Variants in JAM2 observed in about 807,000 individuals in gnomAD.
The protein encoded by JAM2 is junctional adhesion molecule B.
In JAM2, 17 loss-of-function variants were observed where a neutral mutation model predicts 42.0. That is an observed-to-expected ratio of 0.40 (90% CI 0.28 to 0.61). The LOEUF (loss-of-function observed/expected upper bound fraction) is 0.61, where lower values mean the gene tolerates loss of function less well. JAM2 is among the 20% of genes least tolerant of loss of function. JAM2 has a pLI of 0.37. For synonymous variants in JAM2, 118 were observed against 128.6 expected (o/e 0.92, Z 0.56); for missense variants, 319 against 358.3 (o/e 0.89, Z 0.89).
At chr21:25,711,309 C>A in intron 8 of JAM2, 1 of 395,972 alleles carries the variant, frequency 2.5e-6, no homozygotes. Flanking sequence ...GGGTGAGCTC[C>A]CCAACGCCCT....
chr21:25,647,126 A>G (rs1183412917), intron 1 of JAM2, among the ~76,000 whole-genome samples: 1 of 152,212 alleles, frequency 6.6e-6, no homozygotes. Context: ...AACTTCCTAA[A>G]TACATACTAT....
chr21:25,655,708 C>A (rs1245261839), intron 1 of JAM2, among the ~76,000 whole-genome samples: 1 of 133,712 alleles, frequency 7.5e-6, no homozygotes, highest in Non-Finnish European at 1.5e-5. Flanking sequence ...GTTGGCCAGG[C>A]TGGTCTCGAA....
At chr21:25,699,613 C>T (rs976561489) in intron 5 of JAM2, among the ~76,000 whole-genome samples, 1 of 150,494 alleles carries the variant, frequency 6.6e-6, no homozygotes, top group African/African-American at 2.4e-5. Flanking sequence ...GTCCCAGCTA[C>T]TCGGGAGGCT....
intron 1 of JAM2, among the ~76,000 whole-genome samples, chr21:25,664,868 T>C (rs2033178847): frequency 6.6e-6 from 1 of 152,258 alleles, no homozygotes; most frequent in Non-Finnish European, 1.5e-5. Flanking sequence ...ACCCAGTGTT[T>C]CTTTATCACC....
chr21:25,703,890 A>G lies in JAM2; in HGVS notation c.697+1621A>G, dbSNP rs142753416. ...AATGGTGAACAGGATGTAAGAAGTT[A>G]ACTTACTCCTTATCTATTACTCTTC... On this transcript the variant is annotated intron_variant, in intron 6 of 9. Coordinates refer to ENST00000480456, the MANE Select transcript of JAM2 (RefSeq NM_021219.4). Among the ~76,000 whole-genome samples the G allele has an allele frequency of 1.4e-4, 22 of 152,222 alleles. No homozygotes were observed. The Middle Eastern group carries it at 0.01, about 71-fold the overall frequency.
In JAM2 at chr21:25,698,706, C is replaced by A. The variant is rs200962285; in HGVS notation, c.424C>A (p.Pro142Thr). Residue 142 changes from proline (P) to threonine (T), a missense_variant, in exon 5 of 10, where the codon CCC becomes ACC. Transcript: ENST00000480456. ...VAPAVPSCEV[P>T]SSALSGTVVE... ...TCCAGCAGTTCCATCATGTGAAGTACCCTCTTCTGCTCTGAGTGGAACTGT... is the reference window on the plus strand; with the variant it reads ...TCCAGCAGTTCCATCATGTGAAGTAACCTCTTCTGCTCTGAGTGGAACTGT... 258 of 1,613,898 alleles carry A rather than the reference C, an allele frequency of 1.6e-4. No individual in the cohort carries two copies. The highest frequency in any genetic ancestry group is 3.3e-4 in the Middle Eastern group (2 of 6,084).
At chr21:25,661,160 T>G (rs1214753098) in intron 1 of JAM2, among the ~76,000 whole-genome samples, 1 of 152,106 alleles carries the variant, frequency 6.6e-6, no homozygotes, top group African/African-American at 2.4e-5. Flanking sequence ...CCATTTAACA[T>G]TATAAGTGTA....
At chr21:25,647,954 T>C (rs2032660251) in intron 1 of JAM2, among the ~76,000 whole-genome samples, 1 of 152,228 alleles carries the variant, frequency 6.6e-6, no homozygotes, top group Admixed American at 6.5e-5. Context: ...CTCACGCCTG[T>C]AATCCCAGCA....
intron 1 of JAM2, among the ~76,000 whole-genome samples, chr21:25,667,937 G>A (rs1487951096): frequency 6.6e-6 from 1 of 152,232 alleles, no homozygotes; most frequent in African/African-American, 2.4e-5. Flanking sequence ...AATCAGGAAT[G>A]TCGAAGGGGA....
At chr21:25,711,281 C>T (rs149845932) in intron 8 of JAM2, 58 of 328,972 alleles carry the variant, frequency 1.8e-4, no homozygotes, top group African/African-American at 1.2e-3. Flanking sequence ...TTGTAGGAGT[C>T]ATTGGTACAT....
At chr21:25,672,926 G>A (rs1045745301) in intron 1 of JAM2, among the ~76,000 whole-genome samples, 3 of 152,164 alleles carry the variant, frequency 2.0e-5, no homozygotes, top group Non-Finnish European at 4.4e-5. Flanking sequence ...TGAGTATGTG[G>A]CTCTTATTAG....
intron 1 of JAM2, among the ~76,000 whole-genome samples, chr21:25,641,481 C>G (rs759592436): frequency 3.3e-5 from 5 of 152,126 alleles, no homozygotes; most frequent in African/African-American, 7.2e-5. Context: ...ATTGTCTCTG[C>G]TAAACTTGAT....
intron 1 of JAM2, among the ~76,000 whole-genome samples, chr21:25,660,066 C>T (rs2033037244): frequency 6.6e-6 from 1 of 152,000 alleles, no homozygotes; most frequent in African/African-American, 2.4e-5. Flanking sequence ...TACAGGCCAC[C>T]CCCGACCATG....
At chr21:25,695,390 C>A (rs1365640664) in intron 4 of JAM2, among the ~76,000 whole-genome samples, 1 of 152,256 alleles carries the variant, frequency 6.6e-6, no homozygotes, top group African/African-American at 2.4e-5. Context: ...TACACAGACA[C>A]AGCAACAATC....
chr21:25,661,461 T>C (rs2033087273), intron 1 of JAM2, among the ~76,000 whole-genome samples: 1 of 152,106 alleles, frequency 6.6e-6, no homozygotes, highest in Non-Finnish European at 1.5e-5. Context: ...AGACATTATC[T>C]CTAAAAAAAG....
chr21:25,641,105 A>G (rs1214667560), intron 1 of JAM2, among the ~76,000 whole-genome samples: 1 of 152,246 alleles, frequency 6.6e-6, no homozygotes, highest in Non-Finnish European at 1.5e-5. Flanking sequence ...AAGTTTCACA[A>G]TGAAACCCTT....
chr21:25,693,791 A>C lies in JAM2; in HGVS notation c.277A>C (p.Asn93His). 6.2e-7 allele frequency: 1 copy of C among 1,614,122 alleles called. No homozygotes were observed. The highest frequency in any genetic ancestry group is 8.5e-7 in the Non-Finnish European group (1 of 1,179,932). Residue 93 changes from asparagine (N) to histidine (H), a missense_variant, in exon 4 of 10, where the codon AAT becomes CAT. Transcript: ENST00000480456. The part of the protein sequence containing the change: ...FKNRAEMIDF[N>H]IRIKNVTRSD... The stretch of plus-strand genomic sequence containing the variant: ...AAATCGAGCTGAGATGATAGATTTC[A>C]ATATCCGGATCAAAAATGTGACAAG...
At chr21:25,697,007 AT>A (rs11348784) in intron 4 of JAM2, among the ~76,000 whole-genome samples, 22,851 of 132,918 alleles carry the variant, frequency 0.17, 2,595 homozygotes, top group African/African-American at 0.38. Context: ...GCACACACCT[AT>A]TTTTTTTTTT....
intron 1 of JAM2, among the ~76,000 whole-genome samples, chr21:25,655,653 T>TC (rs2032917509): frequency 7.6e-6 from 1 of 131,614 alleles, no homozygotes; most frequent in East Asian, 2.1e-4. Context: ...GCTAATTTTT[T>TC]TTTTTTTTTT....
Sources: allele counts gnomAD v4.1 joint callset (sites outside exome capture counted in the v4.1 genomes callset), GRCh38; gene constraint gnomAD v4.1.1; transcripts MANE v1.5; gene names NCBI Gene and HGNC (gene_info 2026-07-23, HGNC 2026-07-21).